HHAT: variants seen among roughly 807,000 people sequenced by gnomAD.
The protein encoded by HHAT is hedgehog acyltransferase, also known as protein-cysteine N-palmitoyltransferase HHAT.
Under a neutral mutation model 70.8 loss-of-function variants are expected in HHAT, and 47 were observed. That is an observed-to-expected ratio of 0.66 (90% CI 0.53 to 0.85). The LOEUF (loss-of-function observed/expected upper bound fraction) is 0.85. Ranked by LOEUF, HHAT falls within the 40% of genes least tolerant of loss-of-function variation. HHAT has a pLI of 0.00. For missense variants in HHAT, 609 were observed against 604.8 expected, an observed-to-expected ratio of 1.01 and a Z score of -0.07; for synonymous variants, 228 against 247.6, an observed-to-expected ratio of 0.92 and a Z score of 0.74.
At chr1:210,533,178 C>G (rs977795774) in intron 9 of HHAT, among the ~76,000 whole-genome samples, 59 of 152,034 alleles carry the variant, frequency 3.9e-4, no homozygotes, top group African/African-American at 1.3e-3. Context: ...TCATTGCTCA[C>G]TGGCACCTGA....
intron 7 of HHAT, among the ~76,000 whole-genome samples, chr1:210,423,669 A>T (rs1050338240): frequency 6.6e-6 from 1 of 152,198 alleles, no homozygotes; most frequent in African/African-American, 2.4e-5. Context: ...GCTTTCTTCT[A>T]GTATTTTTAT....
intron 9 of HHAT, among the ~76,000 whole-genome samples, chr1:210,537,311 C>G (rs2095383658): frequency 6.6e-6 from 1 of 152,152 alleles, no homozygotes; most frequent in African/African-American, 2.4e-5. Flanking sequence ...GTCTGCCCGT[C>G]CCACCAGTTC....
At chr1:210,496,742 A>G (rs2094651289) in intron 8 of HHAT, among the ~76,000 whole-genome samples, 1 of 152,228 alleles carries the variant, frequency 6.6e-6, no homozygotes, top group Non-Finnish European at 1.5e-5. Flanking sequence ...ATGGTTAATT[A>G]GCTGTGACTT....
At chr1:210,657,080 A>G (rs1057007602) in intron 11 of HHAT, among the ~76,000 whole-genome samples, 2 of 152,218 alleles carry the variant, frequency 1.3e-5, no homozygotes, top group African/African-American at 4.8e-5. Flanking sequence ...TCTGTGCTCC[A>G]GTCAAGTTCT....
chr1:210,561,170 A>G (rs1407190854), intron 9 of HHAT, among the ~76,000 whole-genome samples: 1 of 152,186 alleles, frequency 6.6e-6, no homozygotes, highest in Non-Finnish European at 1.5e-5. Flanking sequence ...GACCTTCATC[A>G]TGGCCTCGAG....
chr1:210,536,916 G>C (rs1055512150), intron 9 of HHAT, among the ~76,000 whole-genome samples: 10 of 152,102 alleles, frequency 6.6e-5, no homozygotes, highest in African/African-American at 2.2e-4. Flanking sequence ...AATATCACCA[G>C]ATAGTGCCAA....
intron 3 of HHAT, among the ~76,000 whole-genome samples, chr1:210,365,309 GTTTTTTTTTTT>G (rs4027290): frequency 4.7e-4 from 37 of 78,424 alleles, no homozygotes; most frequent in African/African-American, 1.7e-3. Flanking sequence ...ACTGCTGACA[GTTTTTTTTTTT>G]TTTTTTTTTT....
chr1:210,349,735 C>T (rs1210564122), intron 2 of HHAT, among the ~76,000 whole-genome samples: 1 of 151,528 alleles, frequency 6.6e-6, no homozygotes, highest in Non-Finnish European at 1.5e-5. Context: ...ACTGCAACCT[C>T]TGCCTTCTGG....
chr1:210,620,489 A>G (rs1289246019), intron 10 of HHAT, among the ~76,000 whole-genome samples: 1 of 152,140 alleles, frequency 6.6e-6, no homozygotes, highest in African/African-American at 2.4e-5. Context: ...CCTTTCCTGT[A>G]GCCCATCATT....
At chr1:210,667,225 A>G (rs917565382) in intron 11 of HHAT, among the ~76,000 whole-genome samples, 1 of 152,156 alleles carries the variant, frequency 6.6e-6, no homozygotes, top group South Asian at 2.1e-4. Context: ...TCTACTAAAA[A>G]TACACAATTA....
At chr1:210,572,775 G>A (rs34512176) in intron 9 of HHAT, among the ~76,000 whole-genome samples, 44,146 of 151,654 alleles carry the variant, frequency 0.29, 6,937 homozygotes, top group East Asian at 0.61. Flanking sequence ...GTGTACTCGC[G>A]GTCCCAGCTA....
intron 7 of HHAT, among the ~76,000 whole-genome samples, chr1:210,463,301 C>T (rs547309961): frequency 6.6e-6 from 1 of 152,136 alleles, no homozygotes; most frequent in Non-Finnish European, 1.5e-5. Flanking sequence ...TCAAAAGAAA[C>T]CCCACCTTTT....
At chr1:210,587,783 G>A (rs1660800814) in intron 9 of HHAT, 115 bp from the exon 10 acceptor site, 1 of 785,174 alleles carries the variant, frequency 1.3e-6, no homozygotes, top group Non-Finnish European at 2.1e-6. Context: ...TCTTGGAAGT[G>A]AGGAAGGATC....
intron 8 of HHAT, among the ~76,000 whole-genome samples, chr1:210,479,314 A>T (rs2094355599): frequency 6.6e-6 from 1 of 152,174 alleles, no homozygotes; most frequent in Admixed American, 6.5e-5. Context: ...ACCATTGACA[A>T]ATGTATATGA....
chr1:210,363,001 C>A, intron 3 of HHAT, 82 bp downstream of exon 3: 1 of 1,171,348 alleles, frequency 8.5e-7, no homozygotes, highest in East Asian at 2.3e-5. Context: ...GGAGTCGATC[C>A]AGGTATCAGA....
intron 2 of HHAT, among the ~76,000 whole-genome samples, chr1:210,360,304 G>GTTTTTTTTTTTTTT (rs398053777): frequency 1.4e-5 from 2 of 138,174 alleles, no homozygotes; most frequent in African/African-American, 5.2e-5. Context: ...TTGTTTTTGT[G>GTTTTTTTTTTTTTT]TTTTTTTTTT....
intron 7 of HHAT, among the ~76,000 whole-genome samples, chr1:210,432,855 G>A (rs1001167282): frequency 4.6e-5 from 7 of 151,820 alleles, no homozygotes; most frequent in African/African-American, 1.7e-4. Flanking sequence ...ATAAGCATAA[G>A]GGGGTTATAA....
chr1:210,530,731 G>A (rs1170686956), intron 9 of HHAT, among the ~76,000 whole-genome samples: 1 of 152,130 alleles, frequency 6.6e-6, no homozygotes, highest in African/African-American at 2.4e-5. Flanking sequence ...AGAACTGGGT[G>A]GGCCCTATGT....
At chr1:210,673,658 C>T (rs1401014855) in intron 11 of HHAT, among the ~76,000 whole-genome samples, 4 of 151,292 alleles carry the variant, frequency 2.6e-5, no homozygotes, top group African/African-American at 9.7e-5. Context: ...GTGGCACACT[C>T]ATAGCTCACT....
Sources: allele counts gnomAD v4.1 joint callset (sites outside exome capture counted in the v4.1 genomes callset), GRCh38; gene constraint gnomAD v4.1.1; transcripts MANE v1.5; gene names NCBI Gene and HGNC (gene_info 2026-07-23, HGNC 2026-07-21).